Variants in MYLIP observed in about 807,000 individuals in gnomAD.
MYLIP encodes the protein E3 ubiquitin-protein ligase MYLIP.
Under a neutral mutation model 45.8 loss-of-function variants are expected in MYLIP, and 26 were observed. The ratio of observed to expected loss-of-function variants is 0.57; its 90% CI spans 0.42 to 0.79. MYLIP has a LOEUF of 0.79. Among genes scored for constraint, MYLIP ranks in the 30% least tolerant of loss-of-function variants. MYLIP has a pLI of 0.00. For missense variants in MYLIP, 494 were observed against 555.6 expected, an observed-to-expected ratio of 0.89 and a Z score of 1.11; for synonymous variants, 213 against 218.1, an observed-to-expected ratio of 0.98 and a Z score of 0.21.
chr6:16,159,412 C>G, the MYLIP span, among the ~76,000 whole-genome samples: 1 of 152,168 alleles, frequency 6.6e-6, no homozygotes, highest in Non-Finnish European at 1.5e-5. Flanking sequence ...TCATGGGACT[C>G]TAAACACTGT....
At chr6:16,155,728 G>A in the MYLIP span, among the ~76,000 whole-genome samples, 366 of 152,336 alleles carry the variant, frequency 2.4e-3, 1 homozygote, top group African/African-American at 8.4e-3. Flanking sequence ...TGGGGTGAGT[G>A]CTTTCAGGCA....
At chr6:16,152,590 G>A (rs1439976781), downstream of MYLIP, among the ~76,000 whole-genome samples, 8 of 152,134 alleles carry the variant, frequency 5.3e-5, no homozygotes, top group Non-Finnish European at 1.2e-4. Flanking sequence ...AGAAACCCTG[G>A]GCTGCATGGT....
chr6:16,145,399 CG>C, intron 6 of MYLIP, 82 bp downstream of exon 6: 3 of 1,450,462 alleles, frequency 2.1e-6, no homozygotes, highest in Non-Finnish European at 2.8e-6. Context: ...GGTACTGGCT[CG>C]CTAATGCACA....
intron 2 of MYLIP, among the ~76,000 whole-genome samples, chr6:16,134,458 C>T (rs1204374338): frequency 6.6e-6 from 1 of 152,142 alleles, no homozygotes; most frequent in African/African-American, 2.4e-5. Context: ...CATTCTTTTG[C>T]TTCCTTTCTT....
At chr6:16,163,005 G>A in the MYLIP span, among the ~76,000 whole-genome samples, 1 of 151,942 alleles carries the variant, frequency 6.6e-6, no homozygotes, top group South Asian at 2.1e-4. Context: ...AGCTGCTAAT[G>A]CAAGCTTGTG....
In MYLIP at chr6:16,140,073, C is replaced by T. The variant is rs76482829; in HGVS notation, c.279-1552C>T. On this transcript the variant is annotated intron_variant, in intron 2 of 6. Transcript: ENST00000356840. ...CGATTCTTACCTTGCTCATGTTCCT[C>T]TACCTGGAATGTCAGACACAGATAT... Among the ~76,000 whole-genome samples, 70 of 152,336 alleles carry T rather than the reference C, an allele frequency of 4.6e-4. 1 individual carries two copies. The East Asian group carries it at 7.3e-3, about 16-fold the overall frequency.
chr6:16,145,382 G>A, intron 6 of MYLIP, 65 bp downstream of exon 6: 1 of 1,508,008 alleles, frequency 6.6e-7, no homozygotes, highest in Non-Finnish European at 8.9e-7. Flanking sequence ...ACGGGGAGTA[G>A]GAGCCAGGTA....
intron 2 of MYLIP, among the ~76,000 whole-genome samples, chr6:16,139,387 CAAAAA>C (rs111591442): frequency 1.4e-5 from 1 of 72,924 alleles, no homozygotes; most frequent in African/African-American, 5.0e-5. Context: ...GACTCCATCT[CAAAAA>C]AAAAAAAAAA....
In MYLIP at chr6:16,129,551, C is replaced by T; in HGVS notation, c.87+142C>T. 2.6e-6 allele frequency: 2 copies of T among 781,620 alleles called. No individual in the cohort carries two copies. The highest frequency in any genetic ancestry group is 1.9e-5 in the South Asian group (1 of 53,010). 48.4% of individuals were successfully genotyped at this position (781,620 alleles called of 1,614,324 possible). A position where few individuals can be genotyped will look rare whatever the true frequency, so the allele number is the denominator to read the frequency against. On this transcript the variant is annotated intron_variant, in intron 1 of 6. Coordinates refer to ENST00000356840, the MANE Select transcript of MYLIP (RefSeq NM_013262.4). The surrounding 1 kb of genome is among the most constrained non-coding windows in gnomAD (Gnocchi z 5.1). ...AGCCGGGGGGAGCGCGTCCCCTCCT[C>T]TCCACGGGCGTGGGGCGCGCGGTCT...
intron 6 of MYLIP, 60 bp downstream of exon 6, chr6:16,145,377 G>C: frequency 6.6e-7 from 1 of 1,514,166 alleles, no homozygotes; most frequent in Middle Eastern, 2.5e-4. Flanking sequence ...TCTTAACGGG[G>C]AGTAGGAGCC....
At chr6:16,139,394 A>C (rs1295983289) in intron 2 of MYLIP, among the ~76,000 whole-genome samples, 1 of 152,224 alleles carries the variant, frequency 6.6e-6, no homozygotes, top group Non-Finnish European at 1.5e-5. Context: ...TCTCAAAAAA[A>C]AAAAAAAAGG....
the MYLIP span, among the ~76,000 whole-genome samples, chr6:16,157,654 A>T: frequency 6.6e-6 from 1 of 152,222 alleles, no homozygotes; most frequent in African/African-American, 2.4e-5. Flanking sequence ...ATCTGACTGG[A>T]TTGAAGAGCC....
chr6:16,133,868 A>G (rs1759502421), intron 2 of MYLIP, among the ~76,000 whole-genome samples: 1 of 152,172 alleles, frequency 6.6e-6, no homozygotes. Flanking sequence ...ACCCCATTCC[A>G]AGAGCTCCGT....
At position 16,144,987 on chromosome 6, in the gene MYLIP, C is replaced by A. The variant is rs139029844; in HGVS notation, c.918C>A (p.Asn306Lys). 4.3e-5 allele frequency: 70 copies of A among 1,614,068 alleles called. 1 individual carries two copies. In the Middle Eastern group the frequency reaches 2.5e-3, roughly 57 times the overall value. Residue 306 changes from asparagine (N) to lysine (K), a missense_variant, in exon 6 of 7, where the codon AAC becomes AAA. Asn to Lys is a moderately conservative substitution (Grantham distance 94). Coordinates refer to ENST00000356840, the MANE Select transcript of MYLIP (RefSeq NM_013262.4). ...CTCTGTTTCTGAATGAAAACATTAA[C>A]CTTGGCAAGAAATATGTCTTTGATA... ...LASLFLNENINLGKKYVFDIK... is the reference protein window; with the variant it reads ...LASLFLNENIKLGKKYVFDIK...
At position 16,129,715 on chromosome 6, in the gene MYLIP, C is replaced by T. The variant is rs1484741660; in HGVS notation, c.87+306C>T. 6.6e-6 allele frequency among the ~76,000 whole-genome samples: 1 copy of T among 152,200 alleles called. No individual in the cohort carries two copies. Among genetic ancestry groups the T allele is most frequent in the Non-Finnish European group, 1.5e-5 (1 of 68,032 alleles). ...AACCCAGCACTTTCCCGGAAGAAGGCGGCTCCGCACACCTGCCGCAGGTAT... is the reference window on the plus strand; with the variant it reads ...AACCCAGCACTTTCCCGGAAGAAGGTGGCTCCGCACACCTGCCGCAGGTAT... On this transcript the variant is annotated intron_variant, in intron 1 of 6. Coordinates refer to ENST00000356840, the MANE Select transcript of MYLIP (RefSeq NM_013262.4). This position sits in a 1 kb window ranked among gnomAD's most constrained non-coding sequence, Gnocchi z 5.1.
In MYLIP at chr6:16,145,147, T is replaced by G; in HGVS notation, c.1078T>G (p.Cys360Gly). ...PLKSSESSMN[C>G]SSCEGLSCQQ... ...GAAGTCCTCAGAAAGCAGCATGAACTGCAGCAGCTGCGAGGGCCTCAGCTG... is the reference window on the plus strand; with the variant it reads ...GAAGTCCTCAGAAAGCAGCATGAACGGCAGCAGCTGCGAGGGCCTCAGCTG... Residue 360 changes from cysteine to glycine, a missense_variant, in exon 6 of 7, where the codon TGC becomes GGC. Cys to Gly is a radical substitution (Grantham distance 159, BLOSUM62 -3). Transcript: ENST00000356840. The G allele has an allele frequency of 6.2e-7, 1 of 1,614,194 alleles. No individual in the cohort carries two copies. The highest frequency in any genetic ancestry group is 8.5e-7 in the Non-Finnish European group (1 of 1,180,036).
the MYLIP span, among the ~76,000 whole-genome samples, chr6:16,157,697 T>C: frequency 1.3e-5 from 2 of 152,262 alleles, no homozygotes; most frequent in African/African-American, 4.8e-5. Flanking sequence ...ACATCTCCTC[T>C]GCTTTGAACA....
rs572045771 is a variant in MYLIP at position 16,144,918 on chromosome 6, C to G, written c.849C>G (p.Ala283=). 1 of 1,613,564 alleles carries G rather than the reference C, an allele frequency of 6.2e-7. No homozygotes were observed. The highest frequency in any genetic ancestry group is 8.5e-7 in the Non-Finnish European group (1 of 1,179,682). The change falls in exon 6 of 7, where the codon GCC becomes GCG. Residue 283 remains alanine (A), a synonymous_variant. Coordinates refer to ENST00000356840, the MANE Select transcript of MYLIP (RefSeq NM_013262.4). ...AFYRCDTVTS[A]VMMQYSRDLK... Reference sequence around the variant, plus strand: ...GCAGGTGTGACACAGTGACCAGCGCCGTGATGATGCAGTATAGCCGTGACT... The same window carrying G: ...GCAGGTGTGACACAGTGACCAGCGCGGTGATGATGCAGTATAGCCGTGACT...
the MYLIP span, among the ~76,000 whole-genome samples, chr6:16,154,006 G>A: frequency 6.6e-6 from 1 of 152,084 alleles, no homozygotes; most frequent in African/African-American, 2.4e-5. Context: ...CCTTGCTGCA[G>A]GACAAAGGGT....
Sources: allele counts gnomAD v4.1 joint callset (sites outside exome capture counted in the v4.1 genomes callset), GRCh38; gene constraint gnomAD v4.1.1; non-coding constraint Gnocchi (gnomAD v3.1); transcripts MANE v1.5; gene names NCBI Gene and HGNC (gene_info 2026-07-23, HGNC 2026-07-21).